Variants in TKTL1 observed in about 807,000 individuals in gnomAD.
TKTL1 encodes transketolase like 1, also known as transketolase-like protein 1.
TKTL1 carries 1 observed loss-of-function variant against 39.3 expected under a neutral mutation model. The observed-to-expected ratio is 0.03, with a 90% CI of 0.01 to 0.12. The LOEUF (loss-of-function observed/expected upper bound fraction) is 0.12. TKTL1 is among the 10% of genes least tolerant of loss of function. The pLI is 1.00. For synonymous variants in TKTL1, 262 were observed against 193.8 expected (o/e 1.35, Z -2.92); for missense variants, 575 against 509.6 (o/e 1.13, Z -1.24).
At chrX:154,303,349 A>AC (rs2067289515) in intron 1 of TKTL1, among the ~76,000 whole-genome samples, 2 of 96,945 alleles carry the variant, frequency 2.1e-5, no homozygotes, top group South Asian at 1.0e-3. Flanking sequence ...AGTAGCTTGA[A>AC]CTGCAGGTGC....
intron 10 of TKTL1, among the ~76,000 whole-genome samples, chrX:154,326,516 C>T (rs1256623290): frequency 2.7e-5 from 3 of 112,330 alleles, no homozygotes; most frequent in Non-Finnish European, 3.8e-5. Context: ...CTAGGCTGCT[C>T]CAGAATTCAC....
intron 9 of TKTL1, 136 bp downstream of exon 9, chrX:154,323,473 A>C (rs879972065): frequency 4.3e-5 from 32 of 741,179 alleles, no homozygotes; most frequent in South Asian, 1.1e-4. Context: ...AATTCTTTAC[A>C]AAAAAAACAG....
intron 2 of TKTL1, among the ~76,000 whole-genome samples, chrX:154,306,411 C>G (rs1196511101): frequency 1.8e-5 from 2 of 111,310 alleles, no homozygotes; most frequent in Non-Finnish European, 3.8e-5. Context: ...AAGTAAGTGC[C>G]TAAAGGTCAT....
chrX:154,297,021 G>A (rs1362893325), intron 1 of TKTL1, among the ~76,000 whole-genome samples: 1 of 111,683 alleles, frequency 9.0e-6, no homozygotes, highest in Non-Finnish European at 1.9e-5. Context: ...AGCTGAGGGC[G>A]GTGGCTCACG....
chrX:154,297,907 A>G (rs1374812525), intron 1 of TKTL1, among the ~76,000 whole-genome samples: 3 of 112,156 alleles, frequency 2.7e-5, no homozygotes, highest in African/African-American at 9.7e-5. Flanking sequence ...TTGTAGAGAA[A>G]AAAAAATTTT....
chrX:154,316,327 C>T lies in TKTL1; in HGVS notation c.1029+990C>T, dbSNP rs182241509. Among the ~76,000 whole-genome samples the T allele has an allele frequency of 1.8e-4, 20 of 111,332 alleles. No individual in the cohort carries two copies. In the East Asian group the frequency reaches 4.8e-3, roughly 26 times the overall value. On this transcript the variant is annotated intron_variant, in intron 7 of 12. Transcript: ENST00000369915. ...CCTCGTGATCCGTCCGCCTCGGCCTCCCAAAGTGCTGGGATTACAGACATG... is the reference window on the plus strand; with the variant it reads ...CCTCGTGATCCGTCCGCCTCGGCCTTCCAAAGTGCTGGGATTACAGACATG...
chrX:154,323,027 G>GT (rs1220245063), intron 8 of TKTL1, among the ~76,000 whole-genome samples, 180 bp from the exon 9 acceptor site: 3 of 112,119 alleles, frequency 2.7e-5, no homozygotes, highest in Non-Finnish European at 5.6e-5. Flanking sequence ...GGAGACAGGC[G>GT]TGCAAGAACA....
chrX:154,298,011 T>A lies in TKTL1; in HGVS notation c.134+2018T>A, dbSNP rs782624722. ...GCTTTTATTTATTGGGCGTTTTTTT[T>A]ATTACTGCTTTAGTCTCCTTACTAG... On this transcript the variant is annotated intron_variant, in intron 1 of 12. Coordinates refer to ENST00000369915, the MANE Select transcript of TKTL1 (RefSeq NM_012253.4). 1.2e-4 allele frequency among the ~76,000 whole-genome samples: 13 copies of A among 112,169 alleles called. No individual in the cohort carries two copies. The South Asian group carries it at 2.6e-3, about 22-fold the overall frequency.
chrX:154,301,441 C>T (rs1164814622), intron 1 of TKTL1, among the ~76,000 whole-genome samples: 1 of 111,395 alleles, frequency 9.0e-6, no homozygotes, highest in East Asian at 2.8e-4. Context: ...CACTTGAACC[C>T]GGAAGGTGGA....
At chrX:154,301,032 T>TA (rs782009260) in intron 1 of TKTL1, among the ~76,000 whole-genome samples, 1 of 110,606 alleles carries the variant, frequency 9.0e-6, no homozygotes, top group African/African-American at 3.3e-5. Context: ...TCATCAGTGT[T>TA]ACAGCACTAG....
chrX:154,298,464 C>T (rs952797848), intron 1 of TKTL1, among the ~76,000 whole-genome samples: 10 of 112,292 alleles, frequency 8.9e-5, no homozygotes, highest in Admixed American at 2.8e-4. Context: ...GTAACCTCAG[C>T]ACTTTAGGAG....
intron 6 of TKTL1, among the ~76,000 whole-genome samples, chrX:154,313,477 C>T (rs150648994): frequency 0.089 from 9,946 of 111,730 alleles, 1,027 homozygotes; most frequent in African/African-American, 0.3. Context: ...GGAAGTAAGG[C>T]GGCGAGCCTA....
chrX:154,297,243 G>GT (rs142646789), intron 1 of TKTL1, among the ~76,000 whole-genome samples: 10,143 of 92,711 alleles, frequency 0.11, 605 homozygotes, highest in South Asian at 0.43. Flanking sequence ...TGGTCTACAG[G>GT]TTTTTTTTGT....
intron 2 of TKTL1, among the ~76,000 whole-genome samples, chrX:154,306,297 A>G (rs1273694750): frequency 1.8e-5 from 2 of 112,137 alleles, no homozygotes; most frequent in African/African-American, 3.2e-5. Context: ...CGATAGAGCA[A>G]GACTCCATCT....
At chrX:154,302,813 A>G (rs1481330990) in intron 1 of TKTL1, among the ~76,000 whole-genome samples, 1 of 111,726 alleles carries the variant, frequency 9.0e-6, no homozygotes, top group African/African-American at 3.3e-5. Context: ...GAGAGATTGG[A>G]GACACACAGA....
At chrX:154,307,975 G>T (rs1209337545) in intron 2 of TKTL1, among the ~76,000 whole-genome samples, 1 of 111,895 alleles carries the variant, frequency 8.9e-6, no homozygotes, top group Non-Finnish European at 1.9e-5. Flanking sequence ...AGTAGCAGAG[G>T]GTAGGAAGCA....
At chrX:154,318,556 AAATT>A (rs2067421756) in intron 7 of TKTL1, among the ~76,000 whole-genome samples, 1 of 107,911 alleles carries the variant, frequency 9.3e-6, no homozygotes, top group Non-Finnish European at 1.9e-5. Context: ...AAAAAAAAAA[AAATT>A]AGCCGGGCGT....
chrX:154,302,237 C>T (rs1315881023), intron 1 of TKTL1, among the ~76,000 whole-genome samples: 2 of 110,756 alleles, frequency 1.8e-5, no homozygotes, highest in African/African-American at 6.6e-5. Flanking sequence ...AAGAAGAGAA[C>T]TTTACATTTT....
intron 1 of TKTL1, among the ~76,000 whole-genome samples, chrX:154,303,151 A>T (rs1346056521): frequency 4.6e-5 from 5 of 107,616 alleles, no homozygotes; most frequent in Non-Finnish European, 9.6e-5. Flanking sequence ...ATTAGACCCT[A>T]CCTCTCATTC....
Sources: allele counts gnomAD v4.1 joint callset (sites outside exome capture counted in the v4.1 genomes callset), GRCh38; gene constraint gnomAD v4.1.1; transcripts MANE v1.5; gene names NCBI Gene and HGNC (gene_info 2026-07-23, HGNC 2026-07-21).